LAMB2: variants seen among roughly 807,000 people sequenced by gnomAD.
LAMB2 encodes the protein laminin subunit beta-2.
A neutral mutation model predicts 202.7 loss-of-function variants in LAMB2; 119 were observed. The observed-to-expected ratio is 0.59, with a 90% CI of 0.51 to 0.68. LAMB2 has a LOEUF of 0.68. Ranked by LOEUF, LAMB2 falls within the 30% of genes least tolerant of loss-of-function variation. The pLI is 0.00. For missense variants in LAMB2, 2,124 were observed against 2,410.6 expected (o/e 0.88, Z 2.49); for synonymous variants, 818 against 902.2 (o/e 0.91, Z 1.67).
At chr3:49,127,643 C>T (rs529010518) in intron 15 of LAMB2, among the ~76,000 whole-genome samples, 5 of 151,846 alleles carry the variant, frequency 3.3e-5, no homozygotes, top group Admixed American at 6.6e-5. Context: ...TGCAGTGAGC[C>T]GAGATCGCGC....
chr3:49,121,908 T>A, intron 29 of LAMB2, 36 bp downstream of exon 29: 2 of 1,613,858 alleles, frequency 1.2e-6, no homozygotes, highest in Non-Finnish European at 1.7e-6. Context: ...TTCATGCCCA[T>A]AACCTTGTCC....
At position 49,124,696 on chromosome 3, in the gene LAMB2, C is replaced by T; in HGVS notation, c.3109+5G>A. 6.2e-7 allele frequency: 1 copy of T among 1,614,136 alleles called. No homozygotes were observed. The highest frequency in any genetic ancestry group is 8.5e-7 in the Non-Finnish European group (1 of 1,179,984). Reference sequence around the variant, plus strand: ...TCAGCCATGCCCTCCCACACTCATACTCACGGTGACAGCTCTGTCGGGCAG... The same window carrying T: ...TCAGCCATGCCCTCCCACACTCATATTCACGGTGACAGCTCTGTCGGGCAG... On this transcript the variant is annotated splice_donor_5th_base_variant and intron_variant, in intron 21 of 31. Transcript: ENST00000305544.
rs1232333420 is a variant in LAMB2 at position 49,121,200 on chromosome 3, G to C, written c.*26C>G. ...AGACATGCATGTGGGGCAGTGCTAG[G>C]AACTGGGGTAGGCCTTGGGCAGGGG... is the stretch of plus-strand genomic sequence containing the variant. On this transcript the variant is annotated 3_prime_UTR_variant, in exon 32 of 32. Coordinates refer to ENST00000305544, the MANE Select transcript of LAMB2 (RefSeq NM_002292.4). 6.2e-7 allele frequency: 1 copy of C among 1,611,810 alleles called. No homozygotes were observed. Among genetic ancestry groups the C allele is most frequent in the East Asian group, 2.2e-5 (1 of 44,894 alleles).
chr3:49,129,114 T>G lies in LAMB2; in HGVS notation c.1637A>C (p.His546Pro), dbSNP rs759326665. 2.5e-6 allele frequency: 4 copies of G among 1,614,038 alleles called. No individual in the cohort carries two copies. The highest frequency in any genetic ancestry group is 3.4e-6 in the Non-Finnish European group (4 of 1,180,040). Residue 546 changes from histidine (H) to proline (P), a missense_variant, in exon 13 of 32, where the codon CAC (histidine) becomes CCC (proline). By Grantham distance (77) the His-to-Pro change is moderately conservative. Around this residue, in one of 3 missense-constraint regions of LAMB2, gnomAD observed 1,702 missense variants for 1,896.3 expected, o/e 0.90. Coordinates refer to ENST00000305544, the MANE Select transcript of LAMB2 (RefSeq NM_002292.4). This position sits in a 1 kb window ranked among gnomAD's most constrained non-coding sequence, Gnocchi z 6.1. ...CTGCTCACAGCGTCGCCCAACCATGTGCTGGCGGCAGTGGCATTGACCTGT... is the reference window on the plus strand; with the variant it reads ...CTGCTCACAGCGTCGCCCAACCATGGGCTGGCGGCAGTGGCATTGACCTGT... ...EGTGQCHCRQ[H>P]MVGRRCEQVQ...
At position 49,122,694 on chromosome 3, in the gene LAMB2, G is replaced by A. The variant is rs2045349937; in HGVS notation, c.4573+10C>T. 6.2e-7 allele frequency: 1 copy of A among 1,609,986 alleles called. No individual in the cohort carries two copies. The highest frequency in any genetic ancestry group is 8.5e-7 in the Non-Finnish European group (1 of 1,176,244). ...ACAACCACATGGCCTGGGACACGTG[G>A]GAGGCTCACGGTTGAGGAAGTCCTT... On this transcript the variant is annotated intron_variant, in intron 27 of 31. Coordinates refer to ENST00000305544, the MANE Select transcript of LAMB2 (RefSeq NM_002292.4).
chr3:49,124,224 C>G lies in LAMB2; in HGVS notation c.3390G>C (p.Glu1130Asp). The change falls in exon 23 of 32, where the codon GAG becomes GAC. Residue 1130 changes from glutamate (E) to aspartate (D), a missense_variant. Physicochemically the swap from Glu to Asp is conservative, Grantham distance 45 (BLOSUM62 2). Around this residue, in one of 3 missense-constraint regions of LAMB2, gnomAD observed 1,702 missense variants for 1,896.3 expected, o/e 0.90. Transcript: ENST00000305544. Reference protein sequence around the residue: ...FGGRTCSECQELHWGDPGLQC... With the variant: ...FGGRTCSECQDLHWGDPGLQC... ...GCAACCCAGGGTCTCCCCAGTGGAG[C>G]TCTTGGCACTCAGAACAAGTCCGCC... 1 of 1,614,006 alleles carries G rather than the reference C, an allele frequency of 6.2e-7. No individual in the cohort carries two copies. Among genetic ancestry groups the G allele is most frequent in the Non-Finnish European group, 8.5e-7 (1 of 1,179,946 alleles).
In LAMB2 at chr3:49,122,158, CA is replaced by C; in HGVS notation, c.4781+4del. On this transcript the variant is annotated splice_donor_region_variant and intron_variant, in intron 28 of 31. Coordinates refer to ENST00000305544, the MANE Select transcript of LAMB2 (RefSeq NM_002292.4). ...CAGGGATAGGGGCCAGGGATGGGGT[CA>C]GACCTTGCCCGCCGTGCATCCTGCA... 1 of 1,613,550 alleles carries C rather than the reference CA, an allele frequency of 6.2e-7. No homozygotes were observed. Among genetic ancestry groups the C allele is most frequent in the Non-Finnish European group, 8.5e-7 (1 of 1,180,030 alleles).
intron 18 of LAMB2, 95 bp from the exon 19 acceptor site, chr3:49,125,579 T>C (rs1371909347): frequency 7.2e-7 from 1 of 1,384,438 alleles, no homozygotes; most frequent in East Asian, 2.5e-5. Context: ...GTAGTGGGAG[T>C]CTAGGTGGGA....
rs766539657 is a variant in LAMB2 at position 49,124,845 on chromosome 3, T to A, written c.2965A>T (p.Ser989Cys). The A allele has an allele frequency of 6.2e-7, 1 of 1,614,028 alleles. No homozygotes were observed. Among genetic ancestry groups the A allele is most frequent in the Non-Finnish European group, 8.5e-7 (1 of 1,180,032 alleles). ...PGGRCQLCEC[S>C]GNIDPMDPDA... The stretch of plus-strand genomic sequence containing the variant: ...GGATCCATTGGGTCAATGTTCCCAC[T>A]GCACTCACACAGTTGGCACCGGCCA... Residue 989 changes from serine to cysteine, a missense_variant, in exon 21 of 32, where the codon AGT (serine) becomes TGT (cysteine). Coordinates refer to ENST00000305544, the MANE Select transcript of LAMB2 (RefSeq NM_002292.4).
chr3:49,123,421 A>C (rs1281394939), intron 25 of LAMB2, 26 bp downstream of exon 25: 1 of 1,614,060 alleles, frequency 6.2e-7, no homozygotes, highest in East Asian at 2.2e-5. Context: ...ACCCTGGTCC[A>C]CCTGCCTAGT....
Position 49,130,467 on chromosome 3 carries a change from C to T in LAMB2, c.1037-48G>A, listed in dbSNP as rs762755610. The T allele has an allele frequency of 1.9e-6, 3 of 1,608,096 alleles. No homozygotes were observed. The South Asian group carries it at 3.3e-5, about 18-fold the overall frequency. ...GCAAAGGCCACATGAGGAACCAGGTCACAAGGGTAAGAAGTAGGCCACCTT... is the reference window on the plus strand; with the variant it reads ...GCAAAGGCCACATGAGGAACCAGGTTACAAGGGTAAGAAGTAGGCCACCTT... On this transcript the variant is annotated intron_variant, in intron 8 of 31. Coordinates refer to ENST00000305544, the MANE Select transcript of LAMB2 (RefSeq NM_002292.4). The surrounding 1 kb of genome is among the most constrained non-coding windows in gnomAD (Gnocchi z 5.0).
rs760559709 is a variant in LAMB2 at position 49,132,690 on chromosome 3, G to A, written c.77-27C>T. On this transcript the variant is annotated intron_variant, in intron 1 of 31. Coordinates refer to ENST00000305544, the MANE Select transcript of LAMB2 (RefSeq NM_002292.4). This position sits in a 1 kb window ranked among gnomAD's most constrained non-coding sequence, Gnocchi z 4.6. ...TGGGGACAGTAGCTCAGTCAGTTCC[G>A]CTGAGTTCCTATCCAGTGGCTCCAC... 1.2e-6 allele frequency: 2 copies of A among 1,614,060 alleles called. No individual in the cohort carries two copies. The highest frequency in any genetic ancestry group is 1.7e-5 in the Admixed American group (1 of 60,018).
rs139490252 is a variant in LAMB2, at chr3:49,122,836, G to A, written c.4441C>T (p.Arg1481Cys). ...GSILSRVAET[R>C]RQASEAQQRA... ...TGCTGTGCCTCGCTTGCCTGCCGAC[G>A]AGTCTCAGCCACTCTGCTGAGGATG... Residue 1481 changes from arginine (R) to cysteine (C), a missense_variant, in exon 27 of 32, where the codon CGT (arginine) becomes TGT (cysteine). Physicochemically the swap from Arg to Cys is radical, Grantham distance 180. Coordinates refer to ENST00000305544, the MANE Select transcript of LAMB2 (RefSeq NM_002292.4). 8.7e-6 allele frequency: 14 copies of A among 1,612,684 alleles called. No individual in the cohort carries two copies. Among genetic ancestry groups the A allele is most frequent in the Middle Eastern group, 1.6e-4 (1 of 6,084 alleles).
At position 49,130,524 on chromosome 3, in the gene LAMB2, AG is replaced by A; in HGVS notation, c.1037-106del. ...CTATCACAGGCCAGAATTTGTGGGT[AG>A]GGGCTCAGGGACTTCAAGGCCTCAG... On this transcript the variant is annotated intron_variant, in intron 8 of 31. Coordinates refer to ENST00000305544, the MANE Select transcript of LAMB2 (RefSeq NM_002292.4). The surrounding 1 kb of genome is among the most constrained non-coding windows in gnomAD (Gnocchi z 5.0). The A allele has an allele frequency of 7.0e-7, 1 of 1,428,178 alleles. No individual in the cohort carries two copies. The allele number at this position is 1,428,178 out of a possible 1,614,324, so 88.5% of individuals were successfully genotyped here. A position where few individuals can be genotyped will look rare whatever the true frequency, so the allele number is the denominator to read the frequency against.
Position 49,123,050 on chromosome 3 carries a change from C to T in LAMB2, c.4227G>A (p.Val1409=), listed in dbSNP as rs766376770. 33 of 1,606,960 alleles carry T rather than the reference C, an allele frequency of 2.1e-5. No individual in the cohort carries two copies. Among genetic ancestry groups the T allele is most frequent in the Non-Finnish European group, 1.2e-5 (14 of 1,180,006 alleles). The change falls in exon 27 of 32, where the codon GTG becomes GTA. Residue 1409 remains valine (V), a splice_region_variant and synonymous_variant. Coordinates refer to ENST00000305544, the MANE Select transcript of LAMB2 (RefSeq NM_002292.4). ...AGGGTGCATCCCCTGGTGCCCCACA[C>T]ACCTGCCAGGCACAGAACAAGTCAG... The part of the protein sequence containing the change: ...TLSLTDINEL[V]CGAPGDAPCA...
Position 49,128,833 on chromosome 3 carries a change from C to A in LAMB2, c.1732-14G>T. 1.2e-6 allele frequency: 2 copies of A among 1,610,478 alleles called. No homozygotes were observed. Among genetic ancestry groups the A allele is most frequent in the South Asian group, 1.1e-5 (1 of 90,926 alleles). On this transcript the variant is annotated splice_polypyrimidine_tract_variant and intron_variant, in intron 13 of 31. Transcript: ENST00000305544. ...CACATCGAGCACCTGGGAGATAATG[C>A]AGCCAGGGATGGAGGCTCAGGTGAG...
chr3:49,129,392 C>T lies in LAMB2; in HGVS notation c.1519-68G>A. The T allele has an allele frequency of 7.2e-7, 1 of 1,394,046 alleles. No individual in the cohort carries two copies. The highest frequency in any genetic ancestry group is 1.0e-6 in the Non-Finnish European group (1 of 992,674). 86.4% of individuals were successfully genotyped at this position (1,394,046 alleles called of 1,614,324 possible). On this transcript the variant is annotated intron_variant, in intron 11 of 31. Transcript: ENST00000305544. This position sits in a 1 kb window ranked among gnomAD's most constrained non-coding sequence, Gnocchi z 6.1. ...ACCCCATCACCACCCAGCAGGAAAT[C>T]CCAACCACACGTCTTAGCCTCAATC... is the stretch of plus-strand genomic sequence containing the variant.
rs963479181 is a variant in LAMB2 at position 49,130,970 on chromosome 3, G to A, written c.895C>T (p.Pro299Ser). The A allele has an allele frequency of 1.2e-6, 2 of 1,613,982 alleles. No individual in the cohort carries two copies. Among genetic ancestry groups the A allele is most frequent in the African/African-American group, 1.3e-5 (1 of 74,936 alleles). Reference sequence around the variant, plus strand: ...CTTACCATGCCCTCAGCATGGGCTGGTGCCCCTGGGGCGGGTGCACACTCT... The same window carrying A: ...CTTACCATGCCCTCAGCATGGGCTGATGCCCCTGGGGCGGGTGCACACTCT... ...ASECAPAPGA[P>S]AHAEGMVHGA... Residue 299 changes from proline to serine, a missense_variant, in exon 7 of 32, where the codon CCA (proline) becomes TCA (serine). By Grantham distance (74) the Pro-to-Ser change is moderately conservative. This residue lies in a region of LAMB2 where 256 missense variants were observed against 356.1 expected (regional missense o/e 0.72). Coordinates refer to ENST00000305544, the MANE Select transcript of LAMB2 (RefSeq NM_002292.4). The surrounding 1 kb of genome is among the most constrained non-coding windows in gnomAD (Gnocchi z 5.0).
rs1405443471 is a variant in LAMB2 at position 49,128,783 on chromosome 3, C to T, written c.1768G>A (p.Glu590Lys). The T allele has an allele frequency of 2.2e-5, 36 of 1,613,772 alleles. No individual in the cohort carries two copies. Among genetic ancestry groups the T allele is most frequent in the Non-Finnish European group, 2.9e-5 (34 of 1,179,850 alleles). The change falls in exon 14 of 32, where the codon GAA becomes AAA. Residue 590 changes from glutamate (E) to lysine (K), a missense_variant. Physicochemically the swap from Glu to Lys is moderately conservative, Grantham distance 56. Coordinates refer to ENST00000305544, the MANE Select transcript of LAMB2 (RefSeq NM_002292.4). ...CCTGAGCCAGTCCAGGATGGAGTTT[C>T]CCCGGGGGTCACCAGGCGCTCCACC... The part of the protein sequence containing the change: ...DVVERLVTPG[E>K]TPSWTGSGFV...
Sources: gnomAD v4.1 joint callset for allele counts (sites outside exome capture counted in the v4.1 genomes callset) on GRCh38, gnomAD v4.1.1 for gene constraint, gnomAD v4.1.1 regional missense constraint, Gnocchi (gnomAD v3.1) non-coding constraint, MANE v1.5 for transcripts, NCBI Gene and HGNC (gene_info 2026-07-23, HGNC 2026-07-21) for gene names.